CSNK2A2IP: variants seen among roughly 807,000 people sequenced by gnomAD.
The protein encoded by CSNK2A2IP is casein kinase II subunit alpha'-interacting protein.
At chr3:88,342,629 CT>C in the CSNK2A2IP span, among the ~76,000 whole-genome samples, 2 of 150,782 alleles carry the variant, frequency 1.3e-5, no homozygotes, top group African/African-American at 4.9e-5. Context: ...ATACTCAGAA[CT>C]TTTTTTGTCA....
chr3:88,411,810 A>G, the CSNK2A2IP span, among the ~76,000 whole-genome samples: 4 of 151,212 alleles, frequency 2.6e-5, no homozygotes, highest in Non-Finnish European at 5.9e-5. Flanking sequence ...AACATGTGAA[A>G]TATCTAATTA....
chr3:88,383,561 T>C, the CSNK2A2IP span, among the ~76,000 whole-genome samples: 3 of 152,054 alleles, frequency 2.0e-5, no homozygotes, highest in African/African-American at 7.2e-5. Flanking sequence ...ATGGCCTAAG[T>C]GGCGTTTTTT....
chr3:88,444,699 A>T, the CSNK2A2IP span, among the ~76,000 whole-genome samples: 1 of 152,202 alleles, frequency 6.6e-6, no homozygotes, highest in Admixed American at 6.5e-5. Flanking sequence ...TCAGACGGCT[A>T]GGGGTGTTCT....
chr3:88,351,300 G>A, the CSNK2A2IP span, among the ~76,000 whole-genome samples: 1 of 152,062 alleles, frequency 6.6e-6, no homozygotes, highest in Non-Finnish European at 1.5e-5. Flanking sequence ...ATATACCAGA[G>A]AGGACTGCTA....
At chr3:88,426,554 ACAT>A in the CSNK2A2IP span, among the ~76,000 whole-genome samples, 11 of 152,132 alleles carry the variant, frequency 7.2e-5, no homozygotes, top group Non-Finnish European at 2.9e-5. Context: ...CATAATCCCC[ACAT>A]GTTGTAGGAG....
At chr3:88,446,604 C>A in the CSNK2A2IP span, among the ~76,000 whole-genome samples, 2 of 152,124 alleles carry the variant, frequency 1.3e-5, no homozygotes, top group Non-Finnish European at 2.9e-5. Flanking sequence ...GATGACTTTT[C>A]CCTAATACTT....
the CSNK2A2IP span, among the ~76,000 whole-genome samples, chr3:88,410,307 A>T: frequency 6.6e-6 from 1 of 152,126 alleles, no homozygotes; most frequent in Non-Finnish European, 1.5e-5. Context: ...TTATAGAGTG[A>T]TTTATTTCTA....
the CSNK2A2IP span, among the ~76,000 whole-genome samples, chr3:88,392,214 A>G: frequency 6.6e-6 from 1 of 152,192 alleles, no homozygotes; most frequent in Non-Finnish European, 1.5e-5. Flanking sequence ...AGCATAAAAG[A>G]TAATACATAT....
chr3:88,368,340 A>T, the CSNK2A2IP span, among the ~76,000 whole-genome samples: 21 of 152,030 alleles, frequency 1.4e-4, no homozygotes, highest in African/African-American at 4.6e-4. Flanking sequence ...ATAATATCAC[A>T]TAATGATAAG....
At chr3:88,460,991 G>T in the CSNK2A2IP span, among the ~76,000 whole-genome samples, 40 of 152,076 alleles carry the variant, frequency 2.6e-4, no homozygotes, top group Middle Eastern at 3.4e-3. Context: ...GGAGGCTGAG[G>T]CAGGAGAATT....
the CSNK2A2IP span, among the ~76,000 whole-genome samples, chr3:88,372,142 AT>A: frequency 6.6e-6 from 1 of 151,658 alleles, no homozygotes; most frequent in Non-Finnish European, 1.5e-5. Context: ...TTAATTTTCA[AT>A]TTTTTAAAAG....
At chr3:88,410,616 T>C in the CSNK2A2IP span, among the ~76,000 whole-genome samples, 5 of 152,052 alleles carry the variant, frequency 3.3e-5, no homozygotes, top group Non-Finnish European at 7.4e-5. Context: ...AGGTTAAATA[T>C]AAATAATCTC....
At chr3:88,355,053 A>C in the CSNK2A2IP span, among the ~76,000 whole-genome samples, 2 of 152,168 alleles carry the variant, frequency 1.3e-5, no homozygotes, top group Non-Finnish European at 2.9e-5. Flanking sequence ...GGGCATGATC[A>C]ACCCTGTGAA....
At chr3:88,385,921 G>A in the CSNK2A2IP span, among the ~76,000 whole-genome samples, 4 of 152,118 alleles carry the variant, frequency 2.6e-5, no homozygotes, top group Non-Finnish European at 5.9e-5. Context: ...AAGTCAATAG[G>A]AAACAGGAAG....
chr3:88,339,095 C>T, the CSNK2A2IP span, among the ~76,000 whole-genome samples: 1,048 of 151,998 alleles, frequency 6.9e-3, 15 homozygotes, highest in African/African-American at 0.024. Flanking sequence ...TTTAAAAATA[C>T]ACATTAAATT....
chr3:88,340,279 C>A, the CSNK2A2IP span, among the ~76,000 whole-genome samples: 3 of 151,860 alleles, frequency 2.0e-5, no homozygotes, highest in Non-Finnish European at 4.4e-5. Flanking sequence ...TAAGACACAT[C>A]TAGAGAAAGG....
chr3:88,356,765 A>C, the CSNK2A2IP span, among the ~76,000 whole-genome samples: 1 of 151,914 alleles, frequency 6.6e-6, no homozygotes, highest in Non-Finnish European at 1.5e-5. Flanking sequence ...ACATTCGTTA[A>C]TTTTTGTCTT....
chr3:88,363,229 T>C, the CSNK2A2IP span, among the ~76,000 whole-genome samples: 2 of 152,194 alleles, frequency 1.3e-5, no homozygotes, highest in Admixed American at 6.5e-5. Flanking sequence ...ATTTAGATGC[T>C]CTTTAATTTT....
At chr3:88,373,472 A>G in the CSNK2A2IP span, among the ~76,000 whole-genome samples, 4 of 151,322 alleles carry the variant, frequency 2.6e-5, no homozygotes, top group African/African-American at 9.7e-5. Flanking sequence ...ATTTTTTGGG[A>G]TATAATAAAG....
Sources: allele counts gnomAD v4.1 joint callset (sites outside exome capture counted in the v4.1 genomes callset), GRCh38; gene constraint gnomAD v4.1.1; transcripts MANE v1.5; gene names NCBI Gene and HGNC (gene_info 2026-07-23, HGNC 2026-07-21).